ATP2B1: variants seen among roughly 807,000 people sequenced by gnomAD.
ATP2B1 encodes the protein plasma membrane calcium-transporting ATPase 1.
A neutral mutation model predicts 124.2 loss-of-function variants in ATP2B1; 14 were observed. The ratio of observed to expected loss-of-function variants is 0.11; its 90% CI spans 0.07 to 0.18. ATP2B1 has a LOEUF of 0.18. Among genes scored for constraint, ATP2B1 ranks in the 10% least tolerant of loss-of-function variants. The probability of loss-of-function intolerance (pLI) is 1.00; values close to 1 mark genes in which losing one functional copy is unlikely to be tolerated. For synonymous variants in ATP2B1, 449 were observed against 492.4 expected (o/e 0.91, Z 1.17); for missense variants, 763 against 1,466.1 (o/e 0.52, Z 7.83).
intron 1 of ATP2B1, among the ~76,000 whole-genome samples, chr12:89,681,714 TAC>T (rs1240015376): frequency 6.6e-6 from 1 of 152,192 alleles, no homozygotes; most frequent in Non-Finnish European, 1.5e-5. Flanking sequence ...GTGGAATTTA[TAC>T]CAGGAATATA....
Position 89,611,234 on chromosome 12 carries a change from C to T in ATP2B1, c.2206G>A (p.Gly736Ser). ...CGTATTCTTCTGTTAAAATCTTTAC[C>T]TTCTAGGCACAGAAAATCTTCCCCA... The part of the protein sequence containing the change: ...HPGEDFLCLE[G>S]KDFNRRIRNE... Residue 736 changes from glycine (G) to serine (S), a missense_variant, in exon 13 of 21, where the codon GGT becomes AGT. Physicochemically the swap from Gly to Ser is moderately conservative, Grantham distance 56. Coordinates refer to ENST00000428670, the MANE Select transcript of ATP2B1 (RefSeq NM_001366521.1). 1 of 1,608,850 alleles carries T rather than the reference C, an allele frequency of 6.2e-7. No homozygotes were observed. The highest frequency in any genetic ancestry group is 8.5e-7 in the Non-Finnish European group (1 of 1,178,140).
At chr12:89,600,083 A>C (rs981003407) in intron 19 of ATP2B1, among the ~76,000 whole-genome samples, 9 of 152,160 alleles carry the variant, frequency 5.9e-5, no homozygotes, top group African/African-American at 2.2e-4. Flanking sequence ...CTGACCACCA[A>C]AGGCAGTGCT....
At chr12:89,602,046 T>C (rs900307440) in intron 18 of ATP2B1, among the ~76,000 whole-genome samples, 2 of 152,098 alleles carry the variant, frequency 1.3e-5, no homozygotes, top group Non-Finnish European at 2.9e-5. Flanking sequence ...ATGAAAAGAG[T>C]GAGGTCTGAT....
At position 89,627,709 on chromosome 12, in the gene ATP2B1, TTTC is replaced by T; in HGVS notation, c.933_935del (p.Lys312del). The stretch of plus-strand genomic sequence containing the variant: ...TGCGATTCTCAATAGCTCCATCTTG[TTTC>T]TTATCTGTAGGAACAAAATGGGAAT... On this transcript the variant is annotated inframe_deletion, in exon 7 of 21. Coordinates refer to ENST00000428670, the MANE Select transcript of ATP2B1 (RefSeq NM_001366521.1). 1 of 1,614,006 alleles carries T rather than the reference TTTC, an allele frequency of 6.2e-7. No individual in the cohort carries two copies. The highest frequency in any genetic ancestry group is 1.1e-5 in the South Asian group (1 of 91,056).
rs1356108211 is a variant in ATP2B1, at chr12:89,589,424, T to A, written c.*1560A>T. The A allele has an allele frequency of 1.3e-5, 2 of 152,200 alleles. No individual in the cohort carries two copies. The highest frequency in any genetic ancestry group is 2.9e-5 in the Non-Finnish European group (2 of 68,004). The allele number at this position is 152,200 out of a possible 1,614,324, so 9.4% of individuals were successfully genotyped here. The stretch of plus-strand genomic sequence containing the variant: ...TGGCTTAGAGGTGGGCATTCTAGCA[T>A]ATGGTTAATTATTGCATCTAAATAT... On this transcript the variant is annotated 3_prime_UTR_variant, in exon 21 of 21. Coordinates refer to ENST00000428670, the MANE Select transcript of ATP2B1 (RefSeq NM_001366521.1).
chr12:89,627,799 C>T, intron 6 of ATP2B1, 83 bp from the exon 7 acceptor site: 1 of 1,406,858 alleles, frequency 7.1e-7, no homozygotes, highest in Non-Finnish European at 1.0e-6. Context: ...GTTCACATTT[C>T]TATAACAGTT....
chr12:89,638,728 G>A (rs1466709466), intron 3 of ATP2B1, among the ~76,000 whole-genome samples: 1 of 152,154 alleles, frequency 6.6e-6, no homozygotes, highest in Non-Finnish European at 1.5e-5. Context: ...ACTGCAGTAT[G>A]ATTGATAAAA....
At chr12:89,631,676 C>G (rs1339253690) in intron 5 of ATP2B1, among the ~76,000 whole-genome samples, 4 of 152,190 alleles carry the variant, frequency 2.6e-5, no homozygotes, top group Admixed American at 6.6e-5. Flanking sequence ...ATCCACTACT[C>G]TAACATAAAA....
At position 89,589,306 on chromosome 12, in the gene ATP2B1, C is replaced by G. The variant is rs945436125; in HGVS notation, c.*1678G>C. 6.6e-6 allele frequency: 1 copy of G among 152,242 alleles called. No homozygotes were observed. The highest frequency in any genetic ancestry group is 1.9e-4 in the East Asian group (1 of 5,190). 9.4% of individuals were successfully genotyped at this position (152,242 alleles called of 1,614,324 possible). ...ATTGTGTATCTGGTGAAATCTGGGCCCTAACACATGCCAGTTTCTAAAGGG... is the reference window on the plus strand; with the variant it reads ...ATTGTGTATCTGGTGAAATCTGGGCGCTAACACATGCCAGTTTCTAAAGGG... On this transcript the variant is annotated 3_prime_UTR_variant, in exon 21 of 21. Coordinates refer to ENST00000428670, the MANE Select transcript of ATP2B1 (RefSeq NM_001366521.1).
chr12:89,637,152 A>C (rs1882831754), intron 3 of ATP2B1, among the ~76,000 whole-genome samples: 1 of 152,216 alleles, frequency 6.6e-6, no homozygotes, highest in Non-Finnish European at 1.5e-5. Flanking sequence ...AATACTTTAT[A>C]ACAGCATATA....
At chr12:89,593,302 T>C (rs1373449767) in intron 20 of ATP2B1, 1 of 151,986 alleles carries the variant, frequency 6.6e-6, no homozygotes, top group Non-Finnish European at 1.5e-5. Context: ...AAAAAAAAAT[T>C]TGTTGGTATC....
Position 89,609,832 on chromosome 12 carries a change from G to A in ATP2B1, c.2442+105C>T, listed in dbSNP as rs183742108. On this transcript the variant is annotated intron_variant, in intron 15 of 20. Coordinates refer to ENST00000428670, the MANE Select transcript of ATP2B1 (RefSeq NM_001366521.1). ...TAATTATCCCTCGAACTAATCTTGA[G>A]GGACAGTGTTTAAAATCCATAGTAA... 3,529 of 997,392 alleles carry A rather than the reference G, an allele frequency of 3.5e-3. 13 individuals carry two copies. The highest frequency in any genetic ancestry group is 4.2e-3 in the Non-Finnish European group (2,812 of 665,510). The allele number at this position is 997,392 out of a possible 1,614,324, so 61.8% of individuals were successfully genotyped here.
At chr12:89,620,716 T>A (rs1442146696) in intron 10 of ATP2B1, among the ~76,000 whole-genome samples, 8 of 152,222 alleles carry the variant, frequency 5.3e-5, no homozygotes, top group African/African-American at 1.9e-4. Context: ...GTGAGAAGCT[T>A]CAATTCCTTC....
intron 20 of ATP2B1, among the ~76,000 whole-genome samples, chr12:89,598,004 A>C (rs1455198263): frequency 7.7e-6 from 1 of 129,448 alleles, no homozygotes. Flanking sequence ...TTAAATTTAC[A>C]CAGTGATTTC....
At chr12:89,633,628 A>G (rs10219693) in intron 5 of ATP2B1, among the ~76,000 whole-genome samples, 2,049 of 152,130 alleles carry the variant, frequency 0.013, 42 homozygotes, top group African/African-American at 0.046. Context: ...CTTTGCAATA[A>G]GCTTCTTTTG....
At chr12:89,677,999 CACACACACACACACACACAT>C (rs1345399267) in intron 1 of ATP2B1, among the ~76,000 whole-genome samples, 2 of 133,312 alleles carry the variant, frequency 1.5e-5, no homozygotes, top group Non-Finnish European at 3.3e-5. Flanking sequence ...CACACACACA[CACACACACACACACACACAT>C]ATACAGAATG....
At chr12:89,671,788 T>TA (rs1555206059) in intron 1 of ATP2B1, among the ~76,000 whole-genome samples, 17 of 150,924 alleles carry the variant, frequency 1.1e-4, no homozygotes, top group South Asian at 2.1e-4. Context: ...TTTTTTTTTT[T>TA]ACTGTAAATT....
At chr12:89,593,513 G>A (rs1444115639) in intron 20 of ATP2B1, 1 of 151,902 alleles carries the variant, frequency 6.6e-6, no homozygotes, top group Non-Finnish European at 1.5e-5. Context: ...GTAATCAGTC[G>A]GTATAAAAGT....
chr12:89,621,871 G>T, intron 9 of ATP2B1, 80 bp from the exon 10 acceptor site: 2 of 1,290,852 alleles, frequency 1.5e-6, no homozygotes, highest in Non-Finnish European at 2.0e-6. Context: ...ATTATAAATT[G>T]TTTTAAAATT....
Sources: allele counts gnomAD v4.1 joint callset (sites outside exome capture counted in the v4.1 genomes callset), GRCh38; gene constraint gnomAD v4.1.1; transcripts MANE v1.5; gene names NCBI Gene and HGNC (gene_info 2026-07-23, HGNC 2026-07-21).